DOCK4: variants seen among roughly 807,000 people sequenced by gnomAD.
DOCK4 encodes dedicator of cytokinesis protein 4.
DOCK4 carries 97 observed loss-of-function variants against 268.1 expected under a neutral mutation model. The observed-to-expected ratio is 0.36, with a 90% CI of 0.31 to 0.43. DOCK4 has a LOEUF of 0.43. DOCK4 is among the 20% of genes least tolerant of loss of function. The pLI is 1.00. For synonymous variants in DOCK4, 954 were observed against 887.2 expected (o/e 1.08, Z -1.34); for missense variants, 2,145 against 2,455.7 (o/e 0.87, Z 2.67).
intron 5 of DOCK4, among the ~76,000 whole-genome samples, chr7:111,990,844 T>C (rs914956349): frequency 2.0e-5 from 3 of 152,236 alleles, no homozygotes; most frequent in African/African-American, 7.2e-5. Flanking sequence ...GCTGTCTGCC[T>C]GTGTATCCCT....
chr7:111,886,663 A>G (rs775387760), intron 16 of DOCK4, among the ~76,000 whole-genome samples: 3 of 152,168 alleles, frequency 2.0e-5, no homozygotes, highest in Non-Finnish European at 4.4e-5. Flanking sequence ...GGGAATAAAA[A>G]CACACGTATG....
chr7:112,030,956 G>A (rs766587258), intron 1 of DOCK4, among the ~76,000 whole-genome samples: 6 of 152,232 alleles, frequency 3.9e-5, no homozygotes, highest in South Asian at 2.1e-4. Context: ...TAAGGCAGAA[G>A]TCACTGGTCC....
At chr7:111,936,242 A>C (rs1416144197) in intron 11 of DOCK4, among the ~76,000 whole-genome samples, 1 of 152,244 alleles carries the variant, frequency 6.6e-6, no homozygotes, top group African/African-American at 2.4e-5. Flanking sequence ...AGGATTTACC[A>C]AAGAATAATA....
chr7:112,120,973 G>A (rs1812676565), intron 1 of DOCK4, among the ~76,000 whole-genome samples: 1 of 152,174 alleles, frequency 6.6e-6, no homozygotes, highest in East Asian at 1.9e-4. Flanking sequence ...TTTGAGAACA[G>A]AGGATTCAGC....
In DOCK4 at chr7:111,822,413, C is replaced by A. The variant is rs751945004; in HGVS notation, c.2879G>T (p.Arg960Leu). The change falls in exon 27 of 53, where the codon CGC becomes CTC. Residue 960 changes from arginine (R) to leucine (L), a missense_variant. Physicochemically the swap from Arg to Leu is moderately radical, Grantham distance 102. Coordinates refer to ENST00000428084, the MANE Select transcript of DOCK4 (RefSeq NM_001363540.2). ...CCAGTCCTTTGGAAACATCTCCGGG[C>A]GTATCAATATTCGGAACACAGTAAA... ...QIFTVFRILI[R>L]PEMFPKDWTV... The A allele has an allele frequency of 6.2e-7, 1 of 1,613,460 alleles. No homozygotes were observed.
intron 1 of DOCK4, among the ~76,000 whole-genome samples, chr7:112,074,106 C>T (rs1432019148): frequency 2.0e-5 from 3 of 152,120 alleles, no homozygotes; most frequent in East Asian, 3.9e-4. Flanking sequence ...TGTAATAAGC[C>T]TTTTTGGTTA....
In DOCK4 at chr7:112,206,129, G is replaced by A. The variant is rs1253593976; in HGVS notation, c.10C>T (p.Pro4Ser). MWIPTEHEKYGVVI... is the reference protein window; with the variant it reads MWISTEHEKYGVVI... ...ACGCCGTATTTCTCGTGCTCCGTAG[G>A]TATCCACATGGCTAAAGGGGCTCCG... The change falls in exon 1 of 53, where the codon CCT (proline) becomes TCT (serine). Residue 4 changes from proline to serine, a missense_variant. Transcript: ENST00000428084. The A allele has an allele frequency of 1.3e-6, 2 of 1,585,782 alleles. No homozygotes were observed. Among genetic ancestry groups the A allele is most frequent in the African/African-American group, 1.3e-5 (1 of 74,296 alleles).
At chr7:111,959,925 T>C (rs2134967882) in intron 8 of DOCK4, among the ~76,000 whole-genome samples, 1 of 152,342 alleles carries the variant, frequency 6.6e-6, no homozygotes, top group African/African-American at 2.4e-5. Context: ...CTGGATGCAC[T>C]AGCAATTTCA....
chr7:112,022,198 T>C, intron 1 of DOCK4, among the ~76,000 whole-genome samples: 1 of 152,228 alleles, frequency 6.6e-6, no homozygotes, highest in East Asian at 1.9e-4. Flanking sequence ...ACTCACTCAA[T>C]GTTTACTAAA....
intron 1 of DOCK4, among the ~76,000 whole-genome samples, chr7:112,205,752 T>C (rs1821350538): frequency 6.7e-6 from 1 of 150,196 alleles, no homozygotes; most frequent in Non-Finnish European, 1.5e-5. Flanking sequence ...AGAAACCCCA[T>C]TCGCCTCCTC....
At chr7:111,786,462 A>G (rs536778057) in intron 32 of DOCK4, among the ~76,000 whole-genome samples, 115 of 152,352 alleles carry the variant, frequency 7.5e-4, no homozygotes, top group Non-Finnish European at 1.4e-3. Context: ...TGTTATCAAA[A>G]TGAATACATC....
At chr7:111,963,326 G>T (rs923596217) in intron 8 of DOCK4, among the ~76,000 whole-genome samples, 2 of 141,400 alleles carry the variant, frequency 1.4e-5, no homozygotes, top group Non-Finnish European at 3.0e-5. Flanking sequence ...GTGCCAGACA[G>T]TGGGCGCAGG....
rs527846736 is a variant in DOCK4, at chr7:111,818,936, C to G, written c.2930+3426G>C. On this transcript the variant is annotated intron_variant, in intron 27 of 52. Coordinates refer to ENST00000428084, the MANE Select transcript of DOCK4 (RefSeq NM_001363540.2). ...CCAGAACAATGTTCACTTCATAACACCCTCATATCACGGTGCTCTTTGTCT... is the reference window on the plus strand; with the variant it reads ...CCAGAACAATGTTCACTTCATAACAGCCTCATATCACGGTGCTCTTTGTCT... 2.6e-5 allele frequency among the ~76,000 whole-genome samples: 4 copies of G among 152,340 alleles called. No individual in the cohort carries two copies. In the East Asian group the frequency reaches 7.7e-4, roughly 29 times the overall value.
intron 1 of DOCK4, among the ~76,000 whole-genome samples, chr7:112,121,393 A>C (rs1273098870): frequency 6.6e-6 from 1 of 152,224 alleles, no homozygotes; most frequent in African/African-American, 2.4e-5. Context: ...ACAGGCTCCT[A>C]GTGCTTCTTA....
At chr7:112,082,740 G>A (rs1808716472) in intron 1 of DOCK4, among the ~76,000 whole-genome samples, 1 of 152,094 alleles carries the variant, frequency 6.6e-6, no homozygotes, top group African/African-American at 2.4e-5. Flanking sequence ...AAAGAGAAAG[G>A]AGAGAGAAAT....
chr7:111,974,117 A>C (rs1797947992), intron 8 of DOCK4, among the ~76,000 whole-genome samples: 1 of 152,116 alleles, frequency 6.6e-6, no homozygotes, highest in South Asian at 2.1e-4. Context: ...AACTGCAGAG[A>C]CAAGAGCCAA....
chr7:112,066,380 G>A (rs1313033545), intron 1 of DOCK4, among the ~76,000 whole-genome samples: 2 of 151,642 alleles, frequency 1.3e-5, no homozygotes, highest in African/African-American at 4.8e-5. Flanking sequence ...CCACTCTACT[G>A]GCTTACCTGG....
At chr7:112,042,874 T>C (rs1415575290) in intron 1 of DOCK4, among the ~76,000 whole-genome samples, 3 of 152,200 alleles carry the variant, frequency 2.0e-5, no homozygotes, top group Non-Finnish European at 4.4e-5. Flanking sequence ...TGTGTTAATC[T>C]CATGGGAGTA....
intron 37 of DOCK4, among the ~76,000 whole-genome samples, chr7:111,767,377 C>G (rs1183594506): frequency 6.6e-6 from 1 of 151,942 alleles, no homozygotes; most frequent in Non-Finnish European, 1.5e-5. Context: ...CAGGCACGCA[C>G]CACCACACCC....
Sources: gnomAD v4.1 joint callset for allele counts (sites outside exome capture counted in the v4.1 genomes callset) on GRCh38, gnomAD v4.1.1 for gene constraint, MANE v1.5 for transcripts, NCBI Gene and HGNC (gene_info 2026-07-23, HGNC 2026-07-21) for gene names.